TTC7B: variants seen among roughly 807,000 people sequenced by gnomAD.
TTC7B encodes the protein tetratricopeptide repeat protein 7B.
TTC7B carries 28 observed loss-of-function variants against 106.8 expected under a neutral mutation model. That is an observed-to-expected ratio of 0.26 (90% CI 0.19 to 0.36). The LOEUF is 0.36. Ranked by LOEUF, TTC7B falls within the 10% of genes least tolerant of loss-of-function variation. TTC7B has a pLI of 1.00. For missense variants in TTC7B, 862 were observed against 1,076.4 expected (o/e 0.80, Z 2.79); for synonymous variants, 405 against 430.6 (o/e 0.94, Z 0.74).
intron 19 of TTC7B, among the ~76,000 whole-genome samples, chr14:90,558,114 C>G (rs776299451): frequency 6.6e-6 from 1 of 152,262 alleles, no homozygotes; most frequent in Non-Finnish European, 1.5e-5. Flanking sequence ...GCTGCAGCCA[C>G]GCCTGCCGTC....
At position 90,689,611 on chromosome 14, in the gene TTC7B, A is replaced by G. The variant is rs200430097; in HGVS notation, c.879T>C (p.Asp293=). ...TTGTGTTTGCTCCTTTGCGGAGAGG[A>G]TCGTCCAGAGGTGACTGGCACGGTG... ...EDPPCQSPLD[D]PLRKGANTKT... The change falls in exon 7 of 20, where the codon GAT becomes GAC. Residue 293 remains aspartate (D), a synonymous_variant. Coordinates refer to ENST00000328459, the MANE Select transcript of TTC7B (RefSeq NM_001010854.2). 5 of 1,614,158 alleles carry G rather than the reference A, an allele frequency of 3.1e-6. No homozygotes were observed. The highest frequency in any genetic ancestry group is 4.2e-6 in the Non-Finnish European group (5 of 1,180,006).
chr14:90,613,804 A>G (rs957300259), intron 16 of TTC7B, among the ~76,000 whole-genome samples: 10 of 152,264 alleles, frequency 6.6e-5, no homozygotes, highest in African/African-American at 2.4e-4. Context: ...AGCGAAAGGA[A>G]ACTGGAAGGA....
intron 9 of TTC7B, among the ~76,000 whole-genome samples, chr14:90,664,178 C>T (rs192182345): frequency 1.2e-3 from 179 of 152,184 alleles, no homozygotes; most frequent in African/African-American, 4.2e-3. Context: ...AGAACCCTAC[C>T]GTATGTGTAT....
intron 1 of TTC7B, among the ~76,000 whole-genome samples, chr14:90,810,886 G>A (rs1333721595): frequency 6.6e-6 from 1 of 152,236 alleles, no homozygotes; most frequent in Non-Finnish European, 1.5e-5. Context: ...CGTGAGCAAA[G>A]GTGCACAGAC....
rs906700768 is a variant in TTC7B at position 90,694,855 on chromosome 14, A to G, written c.777+645T>C. Among the ~76,000 whole-genome samples, 654 of 135,968 alleles carry G rather than the reference A, an allele frequency of 4.8e-3. No homozygotes were observed. In the Admixed American group the frequency reaches 0.048, roughly 10 times the overall value. The allele number at this position is 135,968 out of a possible 152,430, so 89.2% of individuals were successfully genotyped here. A position where few individuals can be genotyped will look rare whatever the true frequency, so the allele number is the denominator to read the frequency against. On this transcript the variant is annotated intron_variant, in intron 6 of 19. Coordinates refer to ENST00000328459, the MANE Select transcript of TTC7B (RefSeq NM_001010854.2). ...ATATGTCACACATACAATATATGTGACATATATGTACATAAATATATGTCA... is the reference window on the plus strand; with the variant it reads ...ATATGTCACACATACAATATATGTGGCATATATGTACATAAATATATGTCA...
intron 3 of TTC7B, among the ~76,000 whole-genome samples, chr14:90,762,906 A>G (rs1044491827): frequency 7.2e-5 from 11 of 152,242 alleles, no homozygotes; most frequent in Admixed American, 2.6e-4. Flanking sequence ...TGAATTAGCA[A>G]TCAAACAATG....
chr14:90,616,919 A>G (rs1213233982), intron 16 of TTC7B, among the ~76,000 whole-genome samples: 1 of 152,248 alleles, frequency 6.6e-6, no homozygotes, highest in Non-Finnish European at 1.5e-5. Flanking sequence ...AAAGTAAAAA[A>G]TACTCTGAGT....
intron 18 of TTC7B, among the ~76,000 whole-genome samples, chr14:90,584,067 T>C (rs1434899057): frequency 6.6e-6 from 1 of 152,128 alleles, no homozygotes; most frequent in African/African-American, 2.4e-5. Context: ...TCATCTGCCC[T>C]GTCACAGTGA....
intron 5 of TTC7B, among the ~76,000 whole-genome samples, chr14:90,701,476 G>A (rs998621002): frequency 1.3e-5 from 2 of 151,972 alleles, no homozygotes; most frequent in Non-Finnish European, 2.9e-5. Flanking sequence ...CCTTCCAACA[G>A]GCGTGCACAA....
At chr14:90,711,709 A>C (rs1595307330) in intron 5 of TTC7B, among the ~76,000 whole-genome samples, 1 of 152,240 alleles carries the variant, frequency 6.6e-6, no homozygotes, top group Admixed American at 6.5e-5. Flanking sequence ...GGCGTGAGCC[A>C]CTGTGCCCAG....
At position 90,644,065 on chromosome 14, in the gene TTC7B, TTCA is replaced by T. The variant is rs1461806278; in HGVS notation, c.1731_1733del (p.Ser577_Glu578delinsArg). On this transcript the variant is annotated inframe_deletion, in exon 15 of 20. Coordinates refer to ENST00000328459, the MANE Select transcript of TTC7B (RefSeq NM_001010854.2). ...TCACTTACATGAAATTTTCTGGGTA[TTCA>T]CTCAGGGCCATGTCGATGATGTTCA... is the stretch of plus-strand genomic sequence containing the variant. 6.2e-7 allele frequency: 1 copy of T among 1,614,046 alleles called. No individual in the cohort carries two copies.
At chr14:90,729,958 C>T in intron 5 of TTC7B, 117 bp downstream of exon 5, 1 of 1,131,216 alleles carries the variant, frequency 8.8e-7, no homozygotes, top group East Asian at 2.7e-5. Context: ...AAAAAAGTTC[C>T]AATGGTAGTT....
rs563552026 is a variant in TTC7B at position 90,649,429 on chromosome 14, G to A, written c.1518-2406C>T. Reference sequence around the variant, plus strand: ...GGGAAAGCCCCTTTGGTATGCCACAGGCAACTCGCCGGACAGAAATCCTCA... The same window carrying A: ...GGGAAAGCCCCTTTGGTATGCCACAAGCAACTCGCCGGACAGAAATCCTCA... On this transcript the variant is annotated intron_variant, in intron 13 of 19. Transcript: ENST00000328459. Among the ~76,000 whole-genome samples, 9 of 152,270 alleles carry A rather than the reference G, an allele frequency of 5.9e-5. No individual in the cohort carries two copies. The South Asian group carries it at 1.9e-3, about 32-fold the overall frequency.
intron 13 of TTC7B, among the ~76,000 whole-genome samples, chr14:90,651,969 C>G (rs1480528230): frequency 2.6e-5 from 4 of 152,168 alleles, no homozygotes; most frequent in Non-Finnish European, 5.9e-5. Context: ...ATCAGTGTAA[C>G]TCAGATATAT....
At position 90,527,512 on chromosome 14, in the gene TTC7B, C is replaced by G. The variant is rs960457692; in HGVS notation, c.*13856G>C. 1 of 152,010 alleles carries G rather than the reference C, an allele frequency of 6.6e-6. No homozygotes were observed. Among genetic ancestry groups the G allele is most frequent in the Admixed American group, 6.6e-5 (1 of 15,246 alleles). The allele number at this position is 152,010 out of a possible 1,614,324, so 9.4% of individuals were successfully genotyped here. On this transcript the variant is annotated 3_prime_UTR_variant, in exon 20 of 20. Transcript: ENST00000328459. ...GATCACTTAGTCAAAACCTTCTTTA[C>G]CATTTTTACAGACAAGGAAACTGAG...
Position 90,816,272 on chromosome 14 carries a change from C to A in TTC7B, c.24G>T (p.Ser8=). Residue 8 remains serine, a synonymous_variant, in exon 1 of 20, where the codon TCG becomes TCT. Transcript: ENST00000328459. The stretch of plus-strand genomic sequence containing the variant: ...AGCGCTCGATCTCCGTCTCCAGCCG[C>A]GAGCCTGCCTTCTTGGTCGCCATCG... MATKKAG[S]RLETEIERCR... is the part of the protein sequence containing the mutation. 1 of 1,235,974 alleles carries A rather than the reference C, an allele frequency of 8.1e-7. No homozygotes were observed. The highest frequency in any genetic ancestry group is 1.0e-6 in the Non-Finnish European group (1 of 958,298). 76.6% of individuals were successfully genotyped at this position (1,235,974 alleles called of 1,614,324 possible).
At chr14:90,747,588 T>C (rs1833699118) in intron 3 of TTC7B, among the ~76,000 whole-genome samples, 1 of 152,210 alleles carries the variant, frequency 6.6e-6, no homozygotes, top group Admixed American at 6.5e-5. Context: ...TTGAAAAGAA[T>C]GTGACTCTGT....
chr14:90,720,577 T>A (rs879551303), intron 5 of TTC7B, among the ~76,000 whole-genome samples: 2 of 152,126 alleles, frequency 1.3e-5, no homozygotes, highest in African/African-American at 2.4e-5. Flanking sequence ...GATACTCCCA[T>A]CCAGAGCATG....
intron 15 of TTC7B, among the ~76,000 whole-genome samples, chr14:90,631,495 G>A (rs1258888415): frequency 2.0e-5 from 3 of 148,572 alleles, no homozygotes; most frequent in East Asian, 4.0e-4. Context: ...TGAAACCTCC[G>A]CCTCCCAGGT....
Sources: allele counts gnomAD v4.1 joint callset (sites outside exome capture counted in the v4.1 genomes callset), GRCh38; gene constraint gnomAD v4.1.1; transcripts MANE v1.5; gene names NCBI Gene and HGNC (gene_info 2026-07-23, HGNC 2026-07-21).